The following TMPRSS15 variants were observed in gnomAD, a reference collection of about 807,000 sequenced individuals.
The protein encoded by TMPRSS15 is transmembrane serine protease 15, also known as enteropeptidase.
In TMPRSS15, 128 loss-of-function variants were observed where a neutral mutation model predicts 125.3. The ratio of observed to expected loss-of-function variants is 1.02; its 90% CI spans 0.89 to 1.18. TMPRSS15 has a LOEUF of 1.18. Ranked by LOEUF, TMPRSS15 falls within the 50% of genes most tolerant of loss-of-function variation. The probability of loss-of-function intolerance (pLI) is 0.00; values close to 1 mark genes in which losing one functional copy is unlikely to be tolerated. For missense variants in TMPRSS15, 1,283 were observed against 1,212.7 expected (o/e 1.06, Z -0.86); for synonymous variants, 446 against 423.2 (o/e 1.05, Z -0.66).
At chr21:18,333,538 CT>C (rs397976342) in intron 13 of TMPRSS15, among the ~76,000 whole-genome samples, 15 of 150,556 alleles carry the variant, frequency 1.0e-4, no homozygotes, top group African/African-American at 1.7e-4. Context: ...CTTGATTTTC[CT>C]TTTTTTTTCA....
At chr21:18,479,477 A>C (rs9305869) in intron 1 of TMPRSS15, among the ~76,000 whole-genome samples, 13,085 of 152,024 alleles carry the variant, frequency 0.086, 1,736 homozygotes, top group African/African-American at 0.28. Flanking sequence ...CAAATGCATC[A>C]TGGCAATTTT....
chr21:18,321,150 A>G (rs1221689108), intron 16 of TMPRSS15, among the ~76,000 whole-genome samples: 1 of 152,170 alleles, frequency 6.6e-6, no homozygotes, highest in Non-Finnish European at 1.5e-5. Flanking sequence ...ATAAGGGGAC[A>G]TTTATAGGAG....
intron 1 of TMPRSS15, among the ~76,000 whole-genome samples, chr21:18,461,513 A>G (rs1051439815): frequency 1.3e-5 from 2 of 152,196 alleles, no homozygotes; most frequent in African/African-American, 4.8e-5. Flanking sequence ...TGTAGCATGA[A>G]TAGCAAGGAA....
chr21:18,297,815 G>T lies in TMPRSS15; in HGVS notation c.2180C>A (p.Ser727Ter). Residue 727 changes from serine to a stop codon, truncating the protein, a stop_gained, in exon 19 of 25, where the codon TCA becomes TAA. Transcript: ENST00000284885. LOFTEE classifies it high-confidence loss of function. ...QLLGLGSGNSSKPIFPTDGGP... is the reference protein window; with the variant it reads ...QLLGLGSGNS ...ACCATCGGTAGGGAAGATTGGCTTTGATGAGTTTCCACTCCTAGAGAAAAA... is the reference window on the plus strand; with the variant it reads ...ACCATCGGTAGGGAAGATTGGCTTTTATGAGTTTCCACTCCTAGAGAAAAA... 1 of 1,612,836 alleles carries T rather than the reference G, an allele frequency of 6.2e-7. No homozygotes were observed. Among genetic ancestry groups the T allele is most frequent in the South Asian group, 1.1e-5 (1 of 91,048 alleles).
intron 1 of TMPRSS15, among the ~76,000 whole-genome samples, chr21:18,438,905 G>T (rs1366574529): frequency 6.6e-6 from 1 of 152,160 alleles, no homozygotes; most frequent in Non-Finnish European, 1.5e-5. Flanking sequence ...GCTAAACGTT[G>T]TAGAACATTC....
intron 8 of TMPRSS15, among the ~76,000 whole-genome samples, chr21:18,354,348 A>C (rs1163200087): frequency 6.6e-6 from 1 of 151,880 alleles, no homozygotes; most frequent in East Asian, 1.9e-4. Flanking sequence ...ATACCAGGTG[A>C]CTTAAGATTG....
At chr21:18,385,822 C>T (rs945982269) in intron 3 of TMPRSS15, among the ~76,000 whole-genome samples, 1 of 152,090 alleles carries the variant, frequency 6.6e-6, no homozygotes, top group South Asian at 2.1e-4. Flanking sequence ...CCGCTCACTG[C>T]AACCTTCGCC....
At chr21:18,452,498 T>A (rs1285111284) in intron 1 of TMPRSS15, among the ~76,000 whole-genome samples, 2 of 152,060 alleles carry the variant, frequency 1.3e-5, no homozygotes, top group Non-Finnish European at 2.9e-5. Flanking sequence ...ACCATGTCTC[T>A]ACAAAAAATA....
intron 1 of TMPRSS15, among the ~76,000 whole-genome samples, chr21:18,438,217 A>G (rs1000734259): frequency 1.7e-4 from 26 of 150,484 alleles, no homozygotes; most frequent in Non-Finnish European, 2.2e-4. Context: ...TCAGTAAACT[A>G]TCGCAAGGAC....
intron 1 of TMPRSS15, among the ~76,000 whole-genome samples, chr21:18,466,075 T>A (rs144938671): frequency 1.3e-5 from 2 of 151,916 alleles, no homozygotes; most frequent in Non-Finnish European, 2.9e-5. Flanking sequence ...TATAGACCAA[T>A]GGAACAGGAA....
chr21:18,366,074 A>G (rs2075734883), intron 6 of TMPRSS15, among the ~76,000 whole-genome samples: 1 of 152,096 alleles, frequency 6.6e-6, no homozygotes. Context: ...CCTAAGCTGC[A>G]CTTTAAGTGT....
chr21:18,439,849 A>G (rs1248473852), intron 1 of TMPRSS15, among the ~76,000 whole-genome samples: 5 of 152,230 alleles, frequency 3.3e-5, no homozygotes, highest in Non-Finnish European at 5.9e-5. Flanking sequence ...AGTGTAACCC[A>G]GTTCAGAGAG....
intron 1 of TMPRSS15, among the ~76,000 whole-genome samples, chr21:18,419,521 G>A (rs767225148): frequency 5.9e-5 from 9 of 152,046 alleles, no homozygotes; most frequent in South Asian, 2.1e-4. Context: ...CAGTGTACCC[G>A]GCCGACATTT....
chr21:18,434,689 G>T (rs2076224062), intron 1 of TMPRSS15, among the ~76,000 whole-genome samples: 1 of 151,862 alleles, frequency 6.6e-6, no homozygotes, highest in Non-Finnish European at 1.5e-5. Flanking sequence ...TGAATAGGAG[G>T]TATATATTAG....
chr21:18,314,035 G>A (rs1443371930), intron 17 of TMPRSS15, among the ~76,000 whole-genome samples: 6 of 152,234 alleles, frequency 3.9e-5, no homozygotes, highest in East Asian at 1.9e-4. Context: ...AGCTAAGCGC[G>A]TTCATCAAGG....
chr21:18,302,800 G>C (rs1457236062), intron 18 of TMPRSS15, among the ~76,000 whole-genome samples: 1 of 152,148 alleles, frequency 6.6e-6, no homozygotes, highest in East Asian at 1.9e-4. Context: ...ATACTTCTAG[G>C]AGATTGTCAA....
chr21:18,434,581 G>A (rs2076223850), intron 1 of TMPRSS15, among the ~76,000 whole-genome samples: 2 of 151,914 alleles, frequency 1.3e-5, no homozygotes, highest in African/African-American at 2.4e-5. Context: ...ACAACTATTT[G>A]CAGAACAATT....
At chr21:18,304,477 G>A (rs1555894664) in intron 18 of TMPRSS15, among the ~76,000 whole-genome samples, 1 of 152,126 alleles carries the variant, frequency 6.6e-6, no homozygotes, top group Non-Finnish European at 1.5e-5. Flanking sequence ...CACCTCTTTG[G>A]AATCCATGGA....
intron 15 of TMPRSS15, among the ~76,000 whole-genome samples, chr21:18,328,187 C>T (rs2075311542): frequency 6.6e-6 from 1 of 152,050 alleles, no homozygotes; most frequent in Non-Finnish European, 1.5e-5. Context: ...TATAATAGTA[C>T]ACTCTGTAAT....
Sources: allele counts gnomAD v4.1 joint callset (sites outside exome capture counted in the v4.1 genomes callset), GRCh38; gene constraint gnomAD v4.1.1; transcripts MANE v1.5; gene names NCBI Gene and HGNC (gene_info 2026-07-23, HGNC 2026-07-21).